Variants in SCAF8 observed in about 807,000 individuals in gnomAD.
The protein encoded by SCAF8 is SR-related and CTD-associated factor 8.
Under a neutral mutation model 140.5 loss-of-function variants are expected in SCAF8, and 23 were observed. The ratio of observed to expected loss-of-function variants is 0.16; its 90% CI spans 0.12 to 0.23. The LOEUF is 0.23. SCAF8 is among the 10% of genes least tolerant of loss of function. SCAF8 has a pLI of 1.00. For missense variants in SCAF8, 1,397 were observed against 1,555.7 expected (o/e 0.90, Z 1.72); for synonymous variants, 575 against 528.9 (o/e 1.09, Z -1.20).
intron 3 of SCAF8, among the ~76,000 whole-genome samples, chr6:154,782,276 G>A (rs1376795543): frequency 6.6e-6 from 1 of 152,130 alleles, no homozygotes; most frequent in African/African-American, 2.4e-5. Context: ...GGGCAAAGTG[G>A]CAAGTGCCCG....
In SCAF8 at chr6:154,833,053, G is replaced by T; in HGVS notation, c.3474G>T (p.Arg1158Ser). The T allele has an allele frequency of 6.2e-7, 1 of 1,614,182 alleles. No individual in the cohort carries two copies. The highest frequency in any genetic ancestry group is 8.5e-7 in the Non-Finnish European group (1 of 1,180,032). Residue 1158 changes from arginine (R) to serine (S), a missense_variant, in exon 20 of 20, where the codon AGG becomes AGT. Around this residue, in one of 5 missense-constraint regions of SCAF8, gnomAD observed 930 missense variants for 874.6 expected, o/e 1.06. Coordinates refer to ENST00000367178, the MANE Select transcript of SCAF8 (RefSeq NM_014892.5). ...DFDDRRRPWE[R>S]QRDRDDRDFD... ...ATGACCGCAGAAGACCCTGGGAGAG[G>T]CAAAGGGATAGGGATGACAGAGATT...
chr6:154,799,267 C>G (rs535415520), intron 6 of SCAF8, among the ~76,000 whole-genome samples: 2 of 151,250 alleles, frequency 1.3e-5, no homozygotes, highest in Non-Finnish European at 3.0e-5. Context: ...CATGAGCCAC[C>G]GTGCCTGGCC....
intron 1 of SCAF8, among the ~76,000 whole-genome samples, chr6:154,767,654 C>T (rs1030663201): frequency 6.6e-6 from 1 of 150,624 alleles, no homozygotes; most frequent in Non-Finnish European, 1.5e-5. Context: ...ATCCTCACAC[C>T]TCAGCCTGTA....
Position 154,805,381 on chromosome 6 carries a change from A to G in SCAF8, c.876A>G (p.Ser292=). The G allele has an allele frequency of 6.2e-7, 1 of 1,605,042 alleles. No homozygotes were observed. The highest frequency in any genetic ancestry group is 8.5e-7 in the Non-Finnish European group (1 of 1,172,736). Residue 292 remains serine (S), a synonymous_variant, in exon 9 of 20, where the codon TCA becomes TCG. Coordinates refer to ENST00000367178, the MANE Select transcript of SCAF8 (RefSeq NM_014892.5). Reference sequence around the variant, plus strand: ...TTTTTCCTTTTAGTTCTCACGTTTCAGAATCTGTGAACAATTCCATTTTTC... The same window carrying G: ...TTTTTCCTTTTAGTTCTCACGTTTCGGAATCTGTGAACAATTCCATTTTTC... ...EIPASQLSHV[S]ESVNNSIFHQ...
chr6:154,797,092 C>G (rs1777629836), intron 6 of SCAF8, among the ~76,000 whole-genome samples: 1 of 151,862 alleles, frequency 6.6e-6, no homozygotes, highest in South Asian at 2.1e-4. Flanking sequence ...CTTACGCTAC[C>G]TTTCCTGAAT....
intron 1 of SCAF8, among the ~76,000 whole-genome samples, chr6:154,739,959 A>G (rs1396865079): frequency 6.6e-6 from 1 of 152,132 alleles, no homozygotes; most frequent in Admixed American, 6.5e-5. Flanking sequence ...AGGATAGGGA[A>G]TTTATGGGAA....
chr6:154,777,722 T>G (rs755981161), intron 2 of SCAF8, among the ~76,000 whole-genome samples: 5 of 152,242 alleles, frequency 3.3e-5, no homozygotes, highest in Non-Finnish European at 5.9e-5. Context: ...TGTTAAAGTA[T>G]GCTTTCAGAA....
At chr6:154,749,246 T>C (rs1778781688) in intron 1 of SCAF8, among the ~76,000 whole-genome samples, 1 of 152,234 alleles carries the variant, frequency 6.6e-6, no homozygotes, top group South Asian at 2.1e-4. Context: ...CAGCCTAAAA[T>C]CTCTTATTTT....
chr6:154,815,296 C>CA (rs1430901899), intron 12 of SCAF8, among the ~76,000 whole-genome samples: 6 of 152,000 alleles, frequency 3.9e-5, no homozygotes, highest in East Asian at 3.9e-4. Context: ...GACTCCGTCT[C>CA]AAAAAAATAA....
intron 1 of SCAF8, among the ~76,000 whole-genome samples, chr6:154,772,146 C>T (rs1025504238): frequency 1.2e-4 from 18 of 151,822 alleles, no homozygotes; most frequent in African/African-American, 4.4e-4. Flanking sequence ...TGCAAGATTC[C>T]CTAAGTTTGT....
chr6:154,770,373 C>T (rs1308725544), intron 1 of SCAF8, among the ~76,000 whole-genome samples: 1 of 139,816 alleles, frequency 7.2e-6, no homozygotes, highest in East Asian at 2.1e-4. Flanking sequence ...TTGAGGTACA[C>T]ACACACACAC....
chr6:154,819,084 T>G (rs1428011022), intron 14 of SCAF8, among the ~76,000 whole-genome samples: 1 of 40,048 alleles, frequency 2.5e-5, no homozygotes, highest in Non-Finnish European at 4.5e-5. Flanking sequence ...ATACTGAGAG[T>G]TTTTTTAATA....
intron 1 of SCAF8, among the ~76,000 whole-genome samples, chr6:154,770,533 T>C (rs1198183304): frequency 6.6e-6 from 1 of 151,722 alleles, no homozygotes; most frequent in Non-Finnish European, 1.5e-5. Flanking sequence ...CTTATGCCAC[T>C]GTACCACTCC....
chr6:154,733,937 A>T lies in SCAF8; in HGVS notation c.30+7A>T. ...GAAGACCTTCAATAGCGAGGTTGGT[A>T]TGGCAGCCGGGTTCCCCTGCTCCTG... On this transcript the variant is annotated splice_region_variant and intron_variant, in intron 1 of 19. Coordinates refer to ENST00000367178, the MANE Select transcript of SCAF8 (RefSeq NM_014892.5). 6.5e-7 allele frequency: 1 copy of T among 1,530,534 alleles called. No individual in the cohort carries two copies. The highest frequency in any genetic ancestry group is 8.7e-7 in the Non-Finnish European group (1 of 1,145,480). The allele number at this position is 1,530,534 out of a possible 1,614,324, so 94.8% of individuals were successfully genotyped here. A position where few individuals can be genotyped will look rare whatever the true frequency, so the allele number is the denominator to read the frequency against.
intron 3 of SCAF8, among the ~76,000 whole-genome samples, chr6:154,782,743 T>C (rs985009205): frequency 6.6e-6 from 1 of 152,132 alleles, no homozygotes; most frequent in Non-Finnish European, 1.5e-5. Flanking sequence ...TGGAGTCCAG[T>C]GTTCGAGGGC....
chr6:154,756,592 A>G (rs1462990511), intron 1 of SCAF8, among the ~76,000 whole-genome samples: 2 of 152,192 alleles, frequency 1.3e-5, no homozygotes, highest in Non-Finnish European at 2.9e-5. Flanking sequence ...TTAGTTGATT[A>G]TACCTTGATA....
chr6:154,784,879 T>G (rs546807638), intron 3 of SCAF8, among the ~76,000 whole-genome samples: 1 of 152,262 alleles, frequency 6.6e-6, no homozygotes, highest in East Asian at 1.9e-4. Context: ...CAGCCAAATT[T>G]TTATAAAGAG....
rs117972095 is a variant in SCAF8, at chr6:154,792,699, A to G, written c.322-124A>G. On this transcript the variant is annotated intron_variant, in intron 4 of 19. Coordinates refer to ENST00000367178, the MANE Select transcript of SCAF8 (RefSeq NM_014892.5). ...GATAGAAACATAGAATTTTAGGGCT[A>G]GAAAGTACCATTGAAGTATTTTAAT... 3.2e-3 allele frequency: 1,964 copies of G among 605,674 alleles called. 8 individuals are homozygous for G. Among genetic ancestry groups the G allele is most frequent in the Middle Eastern group, 7.6e-3 (19 of 2,484 alleles). 37.5% of individuals were successfully genotyped at this position (605,674 alleles called of 1,614,324 possible).
chr6:154,794,899 A>G lies in SCAF8; in HGVS notation c.476-110A>G, dbSNP rs545110814. On this transcript the variant is annotated intron_variant, in intron 5 of 19. Transcript: ENST00000367178. ...AAGTGGACACAATAAAATAAAAACA[A>G]TATGCGTGCATGTGTTTTATAAAAG... 13 of 984,566 alleles carry G rather than the reference A, an allele frequency of 1.3e-5. No individual in the cohort carries two copies. The Admixed American group carries it at 1.8e-4, about 14-fold the overall frequency. 61.0% of individuals were successfully genotyped at this position (984,566 alleles called of 1,614,324 possible). A position where few individuals can be genotyped will look rare whatever the true frequency, so the allele number is the denominator to read the frequency against.
Sources: allele counts gnomAD v4.1 joint callset (sites outside exome capture counted in the v4.1 genomes callset), GRCh38; gene constraint gnomAD v4.1.1; regional missense constraint gnomAD v4.1.1; transcripts MANE v1.5; gene names NCBI Gene and HGNC (gene_info 2026-07-23, HGNC 2026-07-21).